Variants in AUTS2 observed in about 807,000 individuals in gnomAD.
The protein encoded by AUTS2 is activator of transcription and developmental regulator AUTS2.
A neutral mutation model predicts 112.4 loss-of-function variants in AUTS2; 17 were observed. The ratio of observed to expected loss-of-function variants is 0.15; its 90% CI spans 0.10 to 0.23. The LOEUF (loss-of-function observed/expected upper bound fraction) is 0.23, where lower values mean the gene tolerates loss of function less well. Ranked by LOEUF, AUTS2 falls within the 10% of genes least tolerant of loss-of-function variation. The pLI, the probability that AUTS2 is intolerant of heterozygous loss-of-function variation, is 1.00. For synonymous variants in AUTS2, 751 were observed against 702.7 expected (o/e 1.07, Z -1.09); for missense variants, 1,510 against 1,701.6 (o/e 0.89, Z 1.98).
At chr7:70,060,610 T>C (rs896114876) in intron 2 of AUTS2, among the ~76,000 whole-genome samples, 1 of 152,246 alleles carries the variant, frequency 6.6e-6, no homozygotes, top group African/African-American at 2.4e-5. Flanking sequence ...ATACAGCTTA[T>C]GTAATCTTTT....
chr7:70,161,652 C>G (rs560592184), intron 4 of AUTS2, among the ~76,000 whole-genome samples: 122 of 151,132 alleles, frequency 8.1e-4, no homozygotes, highest in Non-Finnish European at 1.5e-3. Flanking sequence ...GTAGAAAGGT[C>G]TTATCATTGG....
At chr7:69,623,517 A>C (rs1793787137) in intron 1 of AUTS2, among the ~76,000 whole-genome samples, 1 of 150,052 alleles carries the variant, frequency 6.7e-6, no homozygotes, top group African/African-American at 2.5e-5. Context: ...TGGGTGTGAG[A>C]CACTGTGCCT....
At chr7:69,724,092 G>A (rs555429321) in intron 1 of AUTS2, among the ~76,000 whole-genome samples, 12 of 152,180 alleles carry the variant, frequency 7.9e-5, no homozygotes, top group East Asian at 5.8e-4. Flanking sequence ...TTAATGTGGG[G>A]GGAAAAAAAT....
At chr7:69,664,721 A>G (rs983300692) in intron 1 of AUTS2, among the ~76,000 whole-genome samples, 6 of 152,320 alleles carry the variant, frequency 3.9e-5, no homozygotes, top group Admixed American at 1.3e-4. Context: ...CTGTTCAGAC[A>G]GTCTAGTTAG....
chr7:70,000,338 T>C (rs1441717307), intron 2 of AUTS2, among the ~76,000 whole-genome samples: 1 of 152,110 alleles, frequency 6.6e-6, no homozygotes, highest in Non-Finnish European at 1.5e-5. Flanking sequence ...GGGCCTCAAA[T>C]TGTACTGTAA....
intron 5 of AUTS2, among the ~76,000 whole-genome samples, chr7:70,658,001 C>G (rs546847342): frequency 6.6e-6 from 1 of 152,196 alleles, no homozygotes; most frequent in South Asian, 2.1e-4. Context: ...AGGCACCATA[C>G]TCTATCTGCC....
chr7:70,764,851 C>T lies in AUTS2; in HGVS notation c.1314C>T (p.His438=). ...CGTTCCCCCTCTCCCTGCCCAACCA[C>T]AGCCCCCTGCACAGCTTCACACCCA... ...ASPFPLSLPN[H]SPLHSFTPTL... Residue 438 remains histidine (H), a synonymous_variant, in exon 8 of 19, where the codon CAC becomes CAT. Coordinates refer to ENST00000342771, the MANE Select transcript of AUTS2 (RefSeq NM_015570.4). The T allele has an allele frequency of 6.5e-7, 1 of 1,528,770 alleles. No individual in the cohort carries two copies. 94.7% of individuals were successfully genotyped at this position (1,528,770 alleles called of 1,614,324 possible).
chr7:70,634,521 C>A (rs1370750176), intron 5 of AUTS2, among the ~76,000 whole-genome samples: 1 of 152,198 alleles, frequency 6.6e-6, no homozygotes, highest in East Asian at 1.9e-4. Flanking sequence ...CCTGTGGCAG[C>A]CCTCTAGAGT....
At chr7:70,259,776 G>A (rs1301471099) in intron 4 of AUTS2, among the ~76,000 whole-genome samples, 1 of 152,164 alleles carries the variant, frequency 6.6e-6, no homozygotes, top group Non-Finnish European at 1.5e-5. Flanking sequence ...CAGATCATTT[G>A]GAACTCTTGC....
intron 5 of AUTS2, among the ~76,000 whole-genome samples, chr7:70,634,885 G>C (rs911625645): frequency 3.1e-4 from 47 of 152,178 alleles, no homozygotes; most frequent in Non-Finnish European, 7.3e-5. Flanking sequence ...AGACATTCTT[G>C]GTCTCTGAGC....
intron 2 of AUTS2, among the ~76,000 whole-genome samples, chr7:70,113,376 C>T (rs1224096577): frequency 6.6e-6 from 1 of 152,056 alleles, no homozygotes; most frequent in African/African-American, 2.4e-5. Flanking sequence ...AAATTCTATC[C>T]AATCCATGAT....
At chr7:69,951,457 G>A (rs1562990244) in intron 2 of AUTS2, among the ~76,000 whole-genome samples, 1 of 152,160 alleles carries the variant, frequency 6.6e-6, no homozygotes, top group African/African-American at 2.4e-5. Flanking sequence ...ACCTGATAAA[G>A]CATCTGGAAC....
chr7:70,639,161 G>T (rs753682773), intron 5 of AUTS2, among the ~76,000 whole-genome samples: 5 of 152,026 alleles, frequency 3.3e-5, no homozygotes, highest in African/African-American at 9.7e-5. Context: ...ACCACTCCCC[G>T]CTGCCGCCGC....
intron 4 of AUTS2, among the ~76,000 whole-genome samples, chr7:70,235,332 C>G (rs1341825503): frequency 1.3e-5 from 2 of 151,906 alleles, no homozygotes; most frequent in Non-Finnish European, 2.9e-5. Context: ...GAGACAGGAT[C>G]TGACTATATT....
intron 1 of AUTS2, among the ~76,000 whole-genome samples, chr7:69,776,059 T>C (rs568753451): frequency 2.2e-4 from 34 of 152,286 alleles, no homozygotes; most frequent in African/African-American, 8.2e-4. Flanking sequence ...CTTACTTAGT[T>C]GGTCTTTGTT....
intron 1 of AUTS2, among the ~76,000 whole-genome samples, chr7:69,795,767 T>C (rs1309116224): frequency 1.3e-5 from 2 of 152,196 alleles, no homozygotes; most frequent in African/African-American, 4.8e-5. Context: ...TCCATCTTCA[T>C]CCTTGATGAG....
intron 1 of AUTS2, among the ~76,000 whole-genome samples, chr7:69,835,271 T>A (rs1791671260): frequency 6.6e-6 from 1 of 151,978 alleles, no homozygotes; most frequent in Admixed American, 6.6e-5. Flanking sequence ...GAAAGGAGAA[T>A]TAAAATAATG....
intron 1 of AUTS2, among the ~76,000 whole-genome samples, chr7:69,698,822 A>T (rs1797674065): frequency 6.6e-6 from 1 of 152,152 alleles, no homozygotes; most frequent in Non-Finnish European, 1.5e-5. Flanking sequence ...AAAACTGCTG[A>T]GTTCTTGACT....
At chr7:70,131,043 TCA>T (rs901709571) in intron 3 of AUTS2, among the ~76,000 whole-genome samples, 55 of 152,326 alleles carry the variant, frequency 3.6e-4, no homozygotes, top group African/African-American at 1.3e-3. Flanking sequence ...CTTTCAAGTC[TCA>T]GTTTGACTCA....
Sources: gnomAD v4.1 joint callset for allele counts (sites outside exome capture counted in the v4.1 genomes callset) on GRCh38, gnomAD v4.1.1 for gene constraint, MANE v1.5 for transcripts, NCBI Gene and HGNC (gene_info 2026-07-23, HGNC 2026-07-21) for gene names.